The following NDUFAF6 variants were observed in gnomAD, a reference collection of about 807,000 sequenced individuals.
The protein encoded by NDUFAF6 is NADH:ubiquinone oxidoreductase complex assembly factor 6.
Under a neutral mutation model 40.8 loss-of-function variants are expected in NDUFAF6, and 45 were observed. That is an observed-to-expected ratio of 1.10 (90% CI 0.87 to 1.42). The LOEUF is 1.42. NDUFAF6 is among the 40% of genes most tolerant of loss of function. The probability of loss-of-function intolerance (pLI) is 0.00; values close to 1 mark genes in which losing one functional copy is unlikely to be tolerated. For missense variants in NDUFAF6, 435 were observed against 418.5 expected (o/e 1.04, Z -0.34); for synonymous variants, 185 against 155.9 (o/e 1.19, Z -1.39).
intron 4 of NDUFAF6, among the ~76,000 whole-genome samples, chr8:95,042,883 G>A (rs1356313164): frequency 6.6e-6 from 1 of 152,030 alleles, no homozygotes; most frequent in African/African-American, 2.4e-5. Flanking sequence ...ACTTCACTGG[G>A]GAAAGAACAG....
chr8:95,054,893 G>T (rs1010637058), intron 8 of NDUFAF6, among the ~76,000 whole-genome samples: 2 of 152,190 alleles, frequency 1.3e-5, no homozygotes, highest in Non-Finnish European at 2.9e-5. Flanking sequence ...TCAAGGAAAG[G>T]ATTTGCAGTT....
chr8:95,094,229 TCC>T (rs1393449021), intron 2 of NDUFAF6, among the ~76,000 whole-genome samples: 1 of 151,570 alleles, frequency 6.6e-6, no homozygotes, highest in Non-Finnish European at 1.5e-5. Flanking sequence ...ACCTTGGCCT[TCC>T]AAATTGCTGG....
At position 95,032,079 on chromosome 8, in the gene NDUFAF6, T is replaced by C. The variant is rs767097042; in HGVS notation, c.282T>C (p.Asn94=). 2.5e-6 allele frequency: 4 copies of C among 1,614,164 alleles called. No homozygotes were observed. The highest frequency in any genetic ancestry group is 1.7e-5 in the Admixed American group (1 of 60,034). Residue 94 remains asparagine, a synonymous_variant, in exon 2 of 9, where the codon AAT becomes AAC. Coordinates refer to ENST00000396124, the MANE Select transcript of NDUFAF6 (RefSeq NM_152416.4). ...RSSVFALRAF[N]VELAQVKDSV... ...CTGTTTTTGCACTGAGGGCCTTTAA[T>C]GTGGAACTGGCTCAGGCTGGTATTA... is the stretch of plus-strand genomic sequence containing the variant.
chr8:94,990,268 C>A (rs1035137241), intron 2 of NDUFAF6, among the ~76,000 whole-genome samples: 4 of 152,128 alleles, frequency 2.6e-5, no homozygotes, highest in Non-Finnish European at 5.9e-5. Context: ...TTTGTGTAGT[C>A]CTGCCATTGT....
intron 4 of NDUFAF6, among the ~76,000 whole-genome samples, chr8:95,045,041 G>A (rs927543509): frequency 1.8e-4 from 24 of 135,602 alleles, no homozygotes; most frequent in Admixed American, 1.7e-3. Context: ...TGAGCATGTA[G>A]ATTCAAGAGT....
At chr8:95,064,065 G>GTTTTTTTTTTTT (rs1369326100) in intron 9 of NDUFAF6, among the ~76,000 whole-genome samples, 1 of 131,958 alleles carries the variant, frequency 7.6e-6, no homozygotes, top group Non-Finnish European at 1.6e-5. Flanking sequence ...TTTTTTTTTG[G>GTTTTTTTTTTTT]ATTTTTACTA....
In NDUFAF6 at chr8:94,931,346, A is replaced by G. The variant is rs560959798; in HGVS notation, c.-935-14137A>G. On this transcript the variant is annotated intron_variant, in intron 1 of 14. Transcript: ENST00000396113. The stretch of plus-strand genomic sequence containing the variant: ...CTCTTAAGTTTTTCTTTATCTCACA[A>G]CAGGGCACATTTTGAGATGGTATTT... Among the ~76,000 whole-genome samples the G allele has an allele frequency of 2.6e-5, 4 of 152,330 alleles. No individual in the cohort carries two copies. The South Asian group carries it at 8.3e-4, about 32-fold the overall frequency.
intron 2 of NDUFAF6, chr8:94,950,968 A>G (rs1284382509): frequency 1.3e-5 from 2 of 152,238 alleles, no homozygotes; most frequent in African/African-American, 4.8e-5. Context: ...AAAGATGACC[A>G]CAACAGTATC....
chr8:95,105,064 CACAGAGAGAGAGAG>C (rs1306870404), downstream of NDUFAF6, among the ~76,000 whole-genome samples: 6,759 of 105,332 alleles, frequency 0.064, 166 homozygotes, highest in South Asian at 0.07. Flanking sequence ...CACACACACA[CACAGAGAGAGAGAG>C]AGAGAGAGAG....
Position 94,936,892 on chromosome 8 carries a change from C to T in NDUFAF6, c.-935-8591C>T, listed in dbSNP as rs553744527. Among the ~76,000 whole-genome samples the T allele has an allele frequency of 8.5e-5, 13 of 152,248 alleles. No individual in the cohort carries two copies. The East Asian group carries it at 2.1e-3, about 25-fold the overall frequency. On this transcript the variant is annotated intron_variant, in intron 1 of 14. Transcript: ENST00000396113. ...TCTTCTACTCTCTCAGGCACAAATACCAATGAGAACCGTTCTGCCAGCCAG... is the reference window on the plus strand; with the variant it reads ...TCTTCTACTCTCTCAGGCACAAATATCAATGAGAACCGTTCTGCCAGCCAG...
intron 1 of NDUFAF6, chr8:94,930,303 T>C: frequency 1.2e-6 from 1 of 805,006 alleles, no homozygotes; most frequent in Non-Finnish European, 1.9e-6. Flanking sequence ...AGGCAAGGCA[T>C]TATGTGATAC....
intron 2 of NDUFAF6, chr8:95,034,246 C>T (rs1829212712): frequency 5.7e-6 from 2 of 353,878 alleles, no homozygotes; most frequent in Admixed American, 3.5e-5. Context: ...AGTAACTTGA[C>T]TATATCATGA....
At chr8:95,081,147 T>C (rs934169475), downstream of NDUFAF6, among the ~76,000 whole-genome samples, 2 of 4,952 alleles carry the variant, frequency 4.0e-4, no homozygotes, top group Non-Finnish European at 7.1e-4. Context: ...CTGCATCTTT[T>C]TTTTTTTTTT....
chr8:94,963,752 AG>A (rs1300095981), intron 1 of NDUFAF6, among the ~76,000 whole-genome samples: 1 of 152,194 alleles, frequency 6.6e-6, no homozygotes, highest in Non-Finnish European at 1.5e-5. Flanking sequence ...CAGCAGGTCT[AG>A]GGAGCCAGAC....
chr8:95,031,319 A>G (rs192212630), intron 1 of NDUFAF6, among the ~76,000 whole-genome samples: 31 of 152,290 alleles, frequency 2.0e-4, no homozygotes, highest in Admixed American at 1.6e-3. Flanking sequence ...ATGAATTTCT[A>G]TGTCTTATCT....
chr8:95,041,580 G>A lies in NDUFAF6; in HGVS notation c.431G>A (p.Arg144Lys), dbSNP rs1830151207. The A allele has an allele frequency of 6.2e-7, 1 of 1,609,650 alleles. No individual in the cohort carries two copies. Among genetic ancestry groups the A allele is most frequent in the Non-Finnish European group, 8.5e-7 (1 of 1,176,198 alleles). ...CTCTTTGTTTTTTAGGCTGTTAAAA[G>A]ACATAATCTGACTAAAAGATGGCTT... ...VAIELWKAVKRHNLTKRWLMK... is the reference protein window; with the variant it reads ...VAIELWKAVKKHNLTKRWLMK... The change falls in exon 4 of 9, where the codon AGA becomes AAA. Residue 144 changes from arginine (R) to lysine (K), a missense_variant. Physicochemically the swap from Arg to Lys is conservative, Grantham distance 26. Coordinates refer to ENST00000396124, the MANE Select transcript of NDUFAF6 (RefSeq NM_152416.4).
At chr8:95,116,998 C>T (rs116254721), downstream of NDUFAF6, among the ~76,000 whole-genome samples, 113 of 152,274 alleles carry the variant, frequency 7.4e-4, no homozygotes, top group African/African-American at 2.6e-3. Context: ...CATATGTTTC[C>T]TTGTTCATGA....
chr8:94,913,358 C>T (rs1160100884), intron 1 of NDUFAF6, among the ~76,000 whole-genome samples: 2 of 152,208 alleles, frequency 1.3e-5, no homozygotes, highest in African/African-American at 4.8e-5. Flanking sequence ...GCCATAAACT[C>T]ATGTTCACTG....
At position 94,940,483 on chromosome 8, in the gene NDUFAF6, T is replaced by C. The variant is rs2515232; in HGVS notation, c.-935-5000T>C. Among the ~76,000 whole-genome samples the C allele has an allele frequency of 1.1e-4, 17 of 152,214 alleles. No homozygotes were observed. The East Asian group carries it at 3.1e-3, about 28-fold the overall frequency. The stretch of plus-strand genomic sequence containing the variant: ...TGTGTGTGTGTGTCACTATATGGGA[T>C]AGATTTATGTTGGCTTTGCAGGAGT... On this transcript the variant is annotated intron_variant, in intron 1 of 14. Coordinates refer to the NDUFAF6 transcript ENST00000396113.
Sources: gnomAD v4.1 joint callset for allele counts (sites outside exome capture counted in the v4.1 genomes callset) on GRCh38, gnomAD v4.1.1 for gene constraint, MANE v1.5 for transcripts, NCBI Gene and HGNC (gene_info 2026-07-23, HGNC 2026-07-21) for gene names.